Variants in ACSM6 observed in about 807,000 individuals in gnomAD.
ACSM6 encodes the protein acyl-coenzyme A synthetase ACSM6, mitochondrial.
A neutral mutation model predicts 51.1 loss-of-function variants in ACSM6; 35 were observed. The ratio of observed to expected loss-of-function variants is 0.69; its 90% CI spans 0.52 to 0.91. ACSM6 has a LOEUF of 0.91. Ranked by LOEUF, ACSM6 falls within the 40% of genes least tolerant of loss-of-function variation. The pLI, the probability that ACSM6 is intolerant of heterozygous loss-of-function variation, is 0.00. For missense variants in ACSM6, 509 were observed against 584.1 expected (o/e 0.87, Z 1.32); for synonymous variants, 172 against 207.3 (o/e 0.83, Z 1.46).
intron 2 of ACSM6, 129 bp downstream of exon 2, chr10:95,194,806 T>C (rs1292862043): frequency 4.9e-6 from 4 of 808,374 alleles, no homozygotes; most frequent in South Asian, 4.1e-5. Context: ...AAAGAAATTA[T>C]AGCAAAATGA....
chr10:95,210,358 A>G (rs2034882169), intron 4 of ACSM6, among the ~76,000 whole-genome samples: 1 of 152,184 alleles, frequency 6.6e-6, no homozygotes, highest in African/African-American at 2.4e-5. Flanking sequence ...AAGAGGAACA[A>G]TAATGATTAC....
Position 95,211,892 on chromosome 10 carries a change from TC to T in ACSM6, c.772del (p.Gln258SerfsTer19). On this transcript the variant is annotated frameshift_variant, in exon 6 of 11. Coordinates refer to ENST00000341686, the Ensembl canonical transcript of ACSM6. LOFTEE classifies it high-confidence loss of function. ...TTTCTCTTTAGACGGTGGATGGATC[TC>T]CAGCCAACAGATGTCTTGTGGAGTC... The T allele has an allele frequency of 6.2e-7, 1 of 1,607,066 alleles. No individual in the cohort carries two copies. The highest frequency in any genetic ancestry group is 8.5e-7 in the Non-Finnish European group (1 of 1,177,300).
intron 3 of ACSM6, among the ~76,000 whole-genome samples, chr10:95,204,338 G>A (rs1203450689): frequency 1.3e-5 from 2 of 152,176 alleles, no homozygotes; most frequent in Non-Finnish European, 2.9e-5. Flanking sequence ...GATCACCTGA[G>A]GTGAGGAGTT....
At chr10:95,200,472 A>G (rs1260869854) in intron 2 of ACSM6, among the ~76,000 whole-genome samples, 1 of 151,790 alleles carries the variant, frequency 6.6e-6, no homozygotes, top group Non-Finnish European at 1.5e-5. Context: ...CATTGTACAC[A>G]TGTACCCTAA....
chr10:95,228,926 C>T, exon 11 of ACSM6: 1 of 879,298 alleles, frequency 1.1e-6, no homozygotes, highest in East Asian at 3.0e-5. Context: ...CATCCATAAT[C>T]TCATATTGTG....
chr10:95,216,355 GC>G (rs1416618599), intron 8 of ACSM6, among the ~76,000 whole-genome samples: 2 of 152,114 alleles, frequency 1.3e-5, no homozygotes, highest in African/African-American at 4.8e-5. Flanking sequence ...TAGGGAATTA[GC>G]ACATAAATTT....
intron 7 of ACSM6, among the ~76,000 whole-genome samples, chr10:95,213,735 G>T (rs1247215010): frequency 6.6e-6 from 1 of 152,168 alleles, no homozygotes; most frequent in Non-Finnish European, 1.5e-5. Context: ...CATCGATAAA[G>T]ATTAATGAGA....
At chr10:95,210,878 G>C (rs984553255) in intron 5 of ACSM6, 85 bp downstream of exon 5, 10 of 1,440,900 alleles carry the variant, frequency 6.9e-6, no homozygotes, top group Middle Eastern at 2.3e-4. Flanking sequence ...GCTAAGAAAG[G>C]AGTTTCTTAC....
chr10:95,195,857 A>G (rs1221625622), intron 2 of ACSM6, among the ~76,000 whole-genome samples: 1 of 152,176 alleles, frequency 6.6e-6, no homozygotes, highest in Non-Finnish European at 1.5e-5. Flanking sequence ...TAGGAGACTT[A>G]ATTTTTACCC....
At chr10:95,205,965 C>T (rs12357280) in intron 3 of ACSM6, among the ~76,000 whole-genome samples, 22,698 of 152,178 alleles carry the variant, frequency 0.15, 2,083 homozygotes, top group Admixed American at 0.23. Flanking sequence ...TAGATGAACT[C>T]CCCATTCCAT....
At chr10:95,194,797 A>G (rs1171653559) in intron 2 of ACSM6, 120 bp downstream of exon 2, 26 of 871,310 alleles carry the variant, frequency 3.0e-5, no homozygotes, top group Non-Finnish European at 4.3e-5. Context: ...ATTCAGAGAA[A>G]AGAAATTATA....
intron 8 of ACSM6, among the ~76,000 whole-genome samples, chr10:95,215,850 C>T (rs558130982): frequency 6.6e-6 from 1 of 152,338 alleles, no homozygotes; most frequent in South Asian, 2.1e-4. Context: ...AGACTACCAA[C>T]TTCTCATGGT....
chr10:95,211,576 T>C (rs191708713), intron 5 of ACSM6, among the ~76,000 whole-genome samples: 4 of 152,372 alleles, frequency 2.6e-5, no homozygotes, highest in African/African-American at 9.6e-5. Flanking sequence ...CTGAGATCAC[T>C]GACTTAATCA....
chr10:95,212,733 C>A, intron 6 of ACSM6, 125 bp from the exon 7 acceptor site: 1 of 702,124 alleles, frequency 1.4e-6, no homozygotes, highest in Non-Finnish European at 2.5e-6. Context: ...TAAAAGGCAT[C>A]CCCAAGCTGA....
chr10:95,225,671 C>A, intron 10 of ACSM6: 1 of 275,214 alleles, frequency 3.6e-6, no homozygotes, highest in Non-Finnish European at 6.7e-6. Flanking sequence ...GCAGCATCCT[C>A]CTAATAAGGA....
At chr10:95,201,946 GCTGA>G in intron 2 of ACSM6, 35 bp from the exon 3 acceptor site, 1 of 1,528,942 alleles carries the variant, frequency 6.5e-7, no homozygotes. Flanking sequence ...CAATGTCCAT[GCTGA>G]CTAATATTCA....
intron 2 of ACSM6, among the ~76,000 whole-genome samples, chr10:95,197,092 A>G (rs1431787573): frequency 5.9e-5 from 9 of 152,224 alleles, no homozygotes; most frequent in Non-Finnish European, 8.8e-5. Flanking sequence ...CCCACACTCA[A>G]TGGCATCGTG....
At chr10:95,202,148 C>T (rs200202492) in exon 3 of ACSM6, 8 of 1,552,116 alleles carry the variant, frequency 5.2e-6, no homozygotes, top group East Asian at 4.9e-5. Flanking sequence ...ATAATCTTGC[C>T]CCCAACACCT....
intron 2 of ACSM6, among the ~76,000 whole-genome samples, chr10:95,196,617 G>GAGTC (rs1374071357): frequency 6.6e-6 from 1 of 152,120 alleles, no homozygotes; most frequent in African/African-American, 2.4e-5. Context: ...CACAAAAGTG[G>GAGTC]AGTCATTCTA....
Sources: allele counts gnomAD v4.1 joint callset (sites outside exome capture counted in the v4.1 genomes callset), GRCh38; gene constraint gnomAD v4.1.1; transcripts MANE v1.5; gene names NCBI Gene and HGNC (gene_info 2026-07-23, HGNC 2026-07-21).